The following LRRTM4 variants were observed in gnomAD, a reference collection of about 807,000 sequenced individuals.
LRRTM4 encodes leucine-rich repeat transmembrane neuronal protein 4.
Under a neutral mutation model 47.6 loss-of-function variants are expected in LRRTM4, and 25 were observed. That is an observed-to-expected ratio of 0.53 (90% CI 0.38 to 0.73). The LOEUF (loss-of-function observed/expected upper bound fraction) is 0.73. LRRTM4 is among the 30% of genes least tolerant of loss of function. The pLI, the probability that LRRTM4 is intolerant of heterozygous loss-of-function variation, is 0.00. For synonymous variants in LRRTM4, 311 were observed against 269.5 expected (o/e 1.15, Z -1.51); for missense variants, 638 against 713.4 (o/e 0.89, Z 1.20).
At chr2:76,769,282 C>G (rs995721635) in intron 3 of LRRTM4, among the ~76,000 whole-genome samples, 8 of 152,096 alleles carry the variant, frequency 5.3e-5, no homozygotes, top group African/African-American at 1.9e-4. Flanking sequence ...AAAGTGATCT[C>G]TAATGATTCC....
At chr2:76,923,948 A>G (rs1350142679) in intron 3 of LRRTM4, among the ~76,000 whole-genome samples, 1 of 152,056 alleles carries the variant, frequency 6.6e-6, no homozygotes, top group Non-Finnish European at 1.5e-5. Context: ...GGCATCCTCA[A>G]TATTACTGTG....
At chr2:76,910,443 A>T (rs1333597246) in intron 3 of LRRTM4, among the ~76,000 whole-genome samples, 1 of 152,158 alleles carries the variant, frequency 6.6e-6, no homozygotes, top group East Asian at 1.9e-4. Context: ...ACATGTATAC[A>T]TATGAAACTA....
intron 3 of LRRTM4, among the ~76,000 whole-genome samples, chr2:77,134,264 G>T (rs1487487958): frequency 1.3e-5 from 2 of 152,012 alleles, no homozygotes; most frequent in African/African-American, 4.8e-5. Flanking sequence ...TAAAACTTAG[G>T]TCTTCTAGTG....
At chr2:76,843,497 G>A (rs906956149) in intron 3 of LRRTM4, among the ~76,000 whole-genome samples, 3 of 152,060 alleles carry the variant, frequency 2.0e-5, no homozygotes, top group Admixed American at 6.6e-5. Context: ...GAAAAGTAGG[G>A]CCTAAATCCC....
intron 3 of LRRTM4, among the ~76,000 whole-genome samples, chr2:77,415,606 T>C (rs866706021): frequency 2.0e-5 from 3 of 152,174 alleles, no homozygotes; most frequent in African/African-American, 4.8e-5. Flanking sequence ...ACTGCTCCCA[T>C]CTATTTGCCT....
intron 3 of LRRTM4, among the ~76,000 whole-genome samples, chr2:77,346,752 A>C (rs1325110169): frequency 6.6e-6 from 1 of 152,146 alleles, no homozygotes; most frequent in Non-Finnish European, 1.5e-5. Context: ...TCATTAAGTA[A>C]TAATAATATA....
intron 3 of LRRTM4, among the ~76,000 whole-genome samples, chr2:77,187,531 G>A (rs959046767): frequency 1.1e-3 from 165 of 151,576 alleles, no homozygotes; most frequent in Non-Finnish European, 5.3e-4. Context: ...GCTAAATGAC[G>A]AGTTAATGGG....
intron 3 of LRRTM4, among the ~76,000 whole-genome samples, chr2:77,167,040 T>C (rs1011224423): frequency 1.3e-5 from 2 of 151,606 alleles, no homozygotes; most frequent in Non-Finnish European, 2.9e-5. Context: ...TGGGAGAAAA[T>C]TTTTACAATC....
intron 3 of LRRTM4, among the ~76,000 whole-genome samples, chr2:77,427,075 T>C (rs952343502): frequency 2.6e-5 from 4 of 151,090 alleles, no homozygotes; most frequent in Non-Finnish European, 5.9e-5. Context: ...GCCTCCTGGG[T>C]TCAAGTGATT....
chr2:77,228,253 A>G (rs554766457), intron 3 of LRRTM4, among the ~76,000 whole-genome samples: 66 of 152,194 alleles, frequency 4.3e-4, no homozygotes, highest in Non-Finnish European at 7.9e-4. Context: ...TCCACATAAT[A>G]AATTTATATT....
At chr2:77,397,987 C>T (rs1032587154) in intron 3 of LRRTM4, among the ~76,000 whole-genome samples, 1 of 151,716 alleles carries the variant, frequency 6.6e-6, no homozygotes, top group Non-Finnish European at 1.5e-5. Context: ...AAGCTTAAGG[C>T]CAGACTCTGG....
chr2:76,892,775 G>A (rs1477993627), intron 3 of LRRTM4, among the ~76,000 whole-genome samples: 3 of 151,568 alleles, frequency 2.0e-5, no homozygotes, highest in African/African-American at 7.3e-5. Flanking sequence ...CACTCCAAAA[G>A]GGAAATGAAG....
intron 3 of LRRTM4, among the ~76,000 whole-genome samples, chr2:77,423,831 G>A (rs72919986): frequency 0.013 from 1,988 of 152,182 alleles, 56 homozygotes; most frequent in African/African-American, 0.044. Context: ...AATGGACCCC[G>A]AGTGAGCCAA....
intron 3 of LRRTM4, among the ~76,000 whole-genome samples, chr2:76,806,171 G>T (rs1245997319): frequency 6.6e-6 from 1 of 152,124 alleles, no homozygotes; most frequent in Non-Finnish European, 1.5e-5. Context: ...TCAAATGAGT[G>T]GGAAAGGGCT....
intron 3 of LRRTM4, among the ~76,000 whole-genome samples, chr2:77,421,448 C>T (rs888672983): frequency 1.3e-5 from 2 of 152,140 alleles, no homozygotes; most frequent in African/African-American, 4.8e-5. Context: ...TGGCTCATGC[C>T]TATAATCCCA....
chr2:77,412,034 G>A (rs1674462265), intron 3 of LRRTM4, among the ~76,000 whole-genome samples: 1 of 152,084 alleles, frequency 6.6e-6, no homozygotes, highest in African/African-American at 2.4e-5. Flanking sequence ...TCCCCCATAA[G>A]TACAACTGTG....
At chr2:77,273,970 T>C (rs1676272281) in intron 3 of LRRTM4, among the ~76,000 whole-genome samples, 1 of 152,074 alleles carries the variant, frequency 6.6e-6, no homozygotes, top group Non-Finnish European at 1.5e-5. Flanking sequence ...CTTCATGAAA[T>C]CCTTTTTTTT....
intron 3 of LRRTM4, among the ~76,000 whole-genome samples, chr2:76,889,096 A>G (rs1673170946): frequency 1.4e-5 from 2 of 147,342 alleles, no homozygotes; most frequent in Non-Finnish European, 3.1e-5. Context: ...TTTGAAATAT[A>G]CTACTTCATT....
chr2:76,870,759 T>A (rs1027669213), intron 3 of LRRTM4, among the ~76,000 whole-genome samples: 1 of 152,212 alleles, frequency 6.6e-6, no homozygotes, highest in Non-Finnish European at 1.5e-5. Flanking sequence ...TCAATATTAT[T>A]TGTAATGCCA....
Sources: gnomAD v4.1 joint callset for allele counts (sites outside exome capture counted in the v4.1 genomes callset) on GRCh38, gnomAD v4.1.1 for gene constraint, MANE v1.5 for transcripts, NCBI Gene and HGNC (gene_info 2026-07-23, HGNC 2026-07-21) for gene names.